PCDH15: variants seen among roughly 807,000 people sequenced by gnomAD.
PCDH15 encodes the protein protocadherin related 15, also known as protocadherin-15.
A neutral mutation model predicts 178.5 loss-of-function variants in PCDH15; 129 were observed. That is an observed-to-expected ratio of 0.72 (90% confidence interval 0.63 to 0.84). The LOEUF is 0.84. Among genes scored for constraint, PCDH15 ranks in the 40% least tolerant of loss-of-function variants. PCDH15 has a pLI of 0.00. For missense variants in PCDH15, 2,230 were observed against 2,099.9 expected, an observed-to-expected ratio of 1.06 and a Z score of -1.21; for synonymous variants, 800 against 732.0, an observed-to-expected ratio of 1.09 and a Z score of -1.50.
In PCDH15 at chr10:55,121,533, C is replaced by G. The variant is rs79733638; in HGVS notation, c.-80+45043G>C. Among the ~76,000 whole-genome samples the G allele has an allele frequency of 1.5e-3, 232 of 152,046 alleles. 3 individuals are homozygous for G. In the East Asian group the frequency reaches 0.029, roughly 19 times the overall value. ...ATAAGAAGGATATTAATTTTGAGGGCCCATGGGAAGACCATCATGGTTTGA... is the reference window on the plus strand; with the variant it reads ...ATAAGAAGGATATTAATTTTGAGGGGCCATGGGAAGACCATCATGGTTTGA... On this transcript the variant is annotated intron_variant, in intron 2 of 5. Transcript: ENST00000458638.
At chr10:54,675,132 T>C (rs2094759151) in intron 1 of PCDH15, among the ~76,000 whole-genome samples, 1 of 152,012 alleles carries the variant, frequency 6.6e-6, no homozygotes, top group Non-Finnish European at 1.5e-5. Flanking sequence ...CTAACTTAAA[T>C]TTTTAAATTT....
intron 1 of PCDH15, among the ~76,000 whole-genome samples, chr10:54,729,094 A>ATC (rs1942982201): frequency 6.6e-6 from 1 of 151,750 alleles, no homozygotes; most frequent in Non-Finnish European, 1.5e-5. Flanking sequence ...TGAAACCAAA[A>ATC]AGAGCCTGAA....
At chr10:55,096,723 G>A (rs1842457108) in intron 2 of PCDH15, among the ~76,000 whole-genome samples, 1 of 151,994 alleles carries the variant, frequency 6.6e-6, no homozygotes, top group Non-Finnish European at 1.5e-5. Flanking sequence ...ATATAAATGA[G>A]ATAATGCAGT....
intron 25 of PCDH15, among the ~76,000 whole-genome samples, chr10:53,935,821 C>T (rs1027206962): frequency 9.9e-5 from 15 of 151,560 alleles, no homozygotes; most frequent in African/African-American, 2.2e-4. Flanking sequence ...GCTATGGAGA[C>T]GTTTTTCTTT....
chr10:54,877,298 G>A (rs1954163035), intron 3 of PCDH15, among the ~76,000 whole-genome samples: 1 of 152,046 alleles, frequency 6.6e-6, no homozygotes, highest in African/African-American at 2.4e-5. Flanking sequence ...TATTTGGTCT[G>A]GAACCCTACA....
At chr10:54,257,348 T>G (rs2132216842) in intron 8 of PCDH15, among the ~76,000 whole-genome samples, 1 of 152,004 alleles carries the variant, frequency 6.6e-6, no homozygotes, top group Middle Eastern at 3.4e-3. Context: ...GTTTAACATA[T>G]ATTTTATTTC....
At chr10:54,213,010 C>T (rs1368057475) in intron 10 of PCDH15, among the ~76,000 whole-genome samples, 1 of 152,120 alleles carries the variant, frequency 6.6e-6, no homozygotes, top group East Asian at 1.9e-4. Flanking sequence ...AATGTTCATT[C>T]TCAGTAAGCT....
In PCDH15 at chr10:54,148,289, A is replaced by G. The variant is rs142761779; in HGVS notation, c.1784+4811T>C. On this transcript the variant is annotated intron_variant, in intron 14 of 37. Transcript: ENST00000644397. ...CATACAGAGTCCTCCCTCAGCATCC[A>G]TGTGGGATTGGTTCCAGAGCCCATA... is the stretch of plus-strand genomic sequence containing the variant. Among the ~76,000 whole-genome samples, 28 of 152,168 alleles carry G rather than the reference A, an allele frequency of 1.8e-4. No homozygotes were observed. In the East Asian group the frequency reaches 3.1e-3, roughly 17 times the overall value.
intron 10 of PCDH15, among the ~76,000 whole-genome samples, chr10:54,206,609 A>G (rs760064669): frequency 6.6e-6 from 1 of 152,236 alleles, no homozygotes; most frequent in Non-Finnish European, 1.5e-5. Flanking sequence ...AGAATAATGT[A>G]TTTTGTAATA....
At chr10:55,531,354 T>G (rs1841450776) in intron 2 of PCDH15, among the ~76,000 whole-genome samples, 1 of 151,990 alleles carries the variant, frequency 6.6e-6, no homozygotes, top group Admixed American at 6.6e-5. Flanking sequence ...GGCAACAGTT[T>G]TCTTCAAACA....
chr10:54,338,656 C>T (rs1321890800), intron 6 of PCDH15, among the ~76,000 whole-genome samples: 1 of 152,132 alleles, frequency 6.6e-6, no homozygotes. Context: ...TGAAACACCA[C>T]TGTAATACCT....
intron 15 of PCDH15, among the ~76,000 whole-genome samples, chr10:54,100,643 G>T (rs1457186951): frequency 1.3e-5 from 2 of 152,024 alleles, no homozygotes; most frequent in African/African-American, 2.4e-5. Context: ...TTAATATTTA[G>T]AAAGAAGAAT....
intron 3 of PCDH15, among the ~76,000 whole-genome samples, chr10:54,473,562 C>G (rs2078066642): frequency 6.6e-6 from 1 of 152,056 alleles, no homozygotes; most frequent in African/African-American, 2.4e-5. Flanking sequence ...CACTTCCATT[C>G]TCACTAATGT....
At chr10:54,156,839 C>T (rs1460007385) in intron 13 of PCDH15, among the ~76,000 whole-genome samples, 2 of 152,178 alleles carry the variant, frequency 1.3e-5, no homozygotes, top group Admixed American at 6.5e-5. Flanking sequence ...TACAGCCTTT[C>T]CAAATGGGAG....
chr10:54,063,907 A>G (rs1360456734), intron 18 of PCDH15, among the ~76,000 whole-genome samples: 1 of 152,188 alleles, frequency 6.6e-6, no homozygotes, highest in Admixed American at 6.5e-5. Context: ...GGCTCCCTGA[A>G]GAGCCGCAAC....
intron 14 of PCDH15, among the ~76,000 whole-genome samples, chr10:54,134,388 T>C (rs1022189220): frequency 6.6e-6 from 1 of 152,018 alleles, no homozygotes; most frequent in Non-Finnish European, 1.5e-5. Context: ...GATGCTTCAA[T>C]TAAAAGACAT....
At chr10:54,636,000 C>A (rs533463865) in intron 2 of PCDH15, among the ~76,000 whole-genome samples, 2 of 151,856 alleles carry the variant, frequency 1.3e-5, no homozygotes, top group Admixed American at 1.3e-4. Flanking sequence ...TACAAGACAG[C>A]CACTATCATC....
intron 2 of PCDH15, among the ~76,000 whole-genome samples, chr10:55,437,632 T>C (rs534664918): frequency 6.6e-6 from 1 of 152,050 alleles, no homozygotes; most frequent in East Asian, 1.9e-4. Flanking sequence ...ACAATAGAAA[T>C]AGTAAAAGAA....
intron 11 of PCDH15, among the ~76,000 whole-genome samples, chr10:54,192,134 GAA>G (rs1295863267): frequency 9.6e-4 from 91 of 94,670 alleles, no homozygotes; most frequent in Non-Finnish European, 1.4e-3. Flanking sequence ...GAAAGAAAGA[GAA>G]AGAGAAAGAA....
Sources: allele counts gnomAD v4.1 joint callset (sites outside exome capture counted in the v4.1 genomes callset), GRCh38; gene constraint gnomAD v4.1.1; transcripts MANE v1.5; gene names NCBI Gene and HGNC (gene_info 2026-07-23, HGNC 2026-07-21).